The following RSPRY1 variants were observed in gnomAD, a reference collection of about 807,000 sequenced individuals.
The protein encoded by RSPRY1 is RING finger and SPRY domain-containing protein 1.
In RSPRY1, 23 loss-of-function variants were observed where a neutral mutation model predicts 73.1. The observed-to-expected ratio is 0.31, with a 90% CI of 0.23 to 0.45. The LOEUF (loss-of-function observed/expected upper bound fraction) is 0.45. Ranked by LOEUF, RSPRY1 falls within the 20% of genes least tolerant of loss-of-function variation. The pLI, the probability that RSPRY1 is intolerant of heterozygous loss-of-function variation, is 1.00. For synonymous variants in RSPRY1, 226 were observed against 251.4 expected, an observed-to-expected ratio of 0.90 and a Z score of 0.95; for missense variants, 448 against 698.7, an observed-to-expected ratio of 0.64 and a Z score of 4.05.
chr16:57,193,221 C>T (rs1341124838), intron 1 of RSPRY1, among the ~76,000 whole-genome samples: 3 of 152,178 alleles, frequency 2.0e-5, no homozygotes, highest in African/African-American at 7.2e-5. Context: ...AAAAACGCCT[C>T]ATCAAGACAA....
Position 57,232,918 on chromosome 16 carries a change from T to A in RSPRY1, c.1529+1599T>A, listed in dbSNP as rs145048353. 2.6e-3 allele frequency among the ~76,000 whole-genome samples: 400 copies of A among 152,340 alleles called. 2 individuals carry two copies. Among genetic ancestry groups the A allele is most frequent in the African/African-American group, 8.9e-3 (371 of 41,574 alleles). ...CAAGAAGATATAGTTGTCAGGAGCC[T>A]AACTGAGTGGCCACCTTAGTGCCAA... On this transcript the variant is annotated intron_variant, in intron 13 of 14. Transcript: ENST00000394420.
intron 1 of RSPRY1, among the ~76,000 whole-genome samples, chr16:57,192,564 A>C (rs6499869): frequency 0.96 from 145,406 of 152,198 alleles, 69,491 homozygotes; most frequent in Middle Eastern, 0.99. Flanking sequence ...TTAGTAAATT[A>C]TTTGAATGCT....
intron 10 of RSPRY1, among the ~76,000 whole-genome samples, chr16:57,224,240 G>T (rs766426622): frequency 6.6e-6 from 1 of 152,180 alleles, no homozygotes; most frequent in Non-Finnish European, 1.5e-5. Context: ...CCTCTGTTTG[G>T]GGTCACTTGC....
intron 12 of RSPRY1, 93 bp downstream of exon 12, chr16:57,230,906 A>G: frequency 6.5e-6 from 5 of 774,166 alleles, no homozygotes; most frequent in Non-Finnish European, 4.3e-6. Context: ...TATATATGCA[A>G]TTGTGATGAG....
chr16:57,221,566 T>C (rs1253706204), intron 10 of RSPRY1, 151 bp downstream of exon 10: 2 of 725,172 alleles, frequency 2.8e-6, no homozygotes, highest in Non-Finnish European at 4.3e-6. Context: ...CTAACAATGA[T>C]CTACTAAACT....
At chr16:57,195,429 C>T (rs2074422978) in intron 1 of RSPRY1, among the ~76,000 whole-genome samples, 2 of 152,042 alleles carry the variant, frequency 1.3e-5, no homozygotes, top group South Asian at 4.1e-4. Context: ...GGAGAATCGC[C>T]TGAACCGGGG....
chr16:57,231,922 A>G (rs2075227899), intron 13 of RSPRY1, among the ~76,000 whole-genome samples: 1 of 152,232 alleles, frequency 6.6e-6, no homozygotes. Flanking sequence ...TATCAGATGA[A>G]TGCCTGCTTT....
intron 10 of RSPRY1, among the ~76,000 whole-genome samples, chr16:57,225,218 A>T (rs183796137): frequency 7.1e-4 from 108 of 152,226 alleles, no homozygotes; most frequent in Non-Finnish European, 9.6e-4. Context: ...GCGCCACCAC[A>T]CCTGGATAAT....
intron 1 of RSPRY1, among the ~76,000 whole-genome samples, chr16:57,195,426 C>T (rs1280865526): frequency 6.6e-6 from 1 of 152,098 alleles, no homozygotes; most frequent in East Asian, 1.9e-4. Flanking sequence ...GCAGGAGAAT[C>T]GCCTGAACCG....
At chr16:57,208,013 A>G in intron 2 of RSPRY1, 45 bp from the exon 3 acceptor site, 1 of 1,207,480 alleles carries the variant, frequency 8.3e-7, no homozygotes, top group Non-Finnish European at 1.2e-6. Flanking sequence ...TGGAATTGTC[A>G]TTTATTATTT....
At position 57,208,101 on chromosome 16, in the gene RSPRY1, G is replaced by T. The variant is rs1303589118; in HGVS notation, c.394G>T (p.Ala132Ser). ...TTCAATGATAACATTACACGAAATG[G>T]CAGAAACAGGTATTTTTAGTTTTGT... is the stretch of plus-strand genomic sequence containing the variant. Reference protein sequence around the residue: ...PYSMITLHEMAETDEGWLDVV... With the variant: ...PYSMITLHEMSETDEGWLDVV... The change falls in exon 3 of 15, where the codon GCA becomes TCA. Residue 132 changes from alanine to serine, a missense_variant. Coordinates refer to ENST00000394420, the MANE Select transcript of RSPRY1 (RefSeq NM_133368.3). The T allele has an allele frequency of 6.3e-7, 1 of 1,582,198 alleles. No individual in the cohort carries two copies. Among genetic ancestry groups the T allele is most frequent in the Admixed American group, 1.8e-5 (1 of 56,386 alleles).
intron 1 of RSPRY1, among the ~76,000 whole-genome samples, chr16:57,187,690 A>G (rs1260152064): frequency 1.3e-5 from 2 of 152,224 alleles, no homozygotes; most frequent in Non-Finnish European, 2.9e-5. Context: ...AAGGGGTGGG[A>G]TTAATACAGT....
chr16:57,186,626 GTC>G (rs1223004861), intron 1 of RSPRY1, 175 bp downstream of exon 1: 2 of 152,650 alleles, frequency 1.3e-5, no homozygotes, highest in Admixed American at 6.5e-5. Context: ...GGTGGCGTTG[GTC>G]AGAACCTGAG....
In RSPRY1 at chr16:57,187,520, ACCT is replaced by A. The variant is rs199819083; in HGVS notation, c.-156+1073_-156+1075del. 7.1e-3 allele frequency among the ~76,000 whole-genome samples: 1,087 copies of A among 152,200 alleles called. 11 individuals carry two copies. The highest frequency in any genetic ancestry group is 0.025 in the African/African-American group (1,047 of 41,516). ...TGTTCTTGCTTAGTGGAGTGACTTA[ACCT>A]CCTTAAGTCTCTACTGTAAAATAAC... On this transcript the variant is annotated intron_variant, in intron 1 of 14. Coordinates refer to ENST00000394420, the MANE Select transcript of RSPRY1 (RefSeq NM_133368.3).
intron 4 of RSPRY1, among the ~76,000 whole-genome samples, chr16:57,210,584 G>A (rs2074822785): frequency 6.6e-6 from 1 of 152,004 alleles, no homozygotes; most frequent in Non-Finnish European, 1.5e-5. Flanking sequence ...AGTGGTGGCA[G>A]GCACCTGTAA....
intron 6 of RSPRY1, among the ~76,000 whole-genome samples, chr16:57,215,254 G>C (rs1426633864): frequency 6.6e-6 from 1 of 152,218 alleles, no homozygotes; most frequent in Non-Finnish European, 1.5e-5. Flanking sequence ...ACAGTGTTCA[G>C]AGATAGGACA....
rs777147113 is a variant in RSPRY1, at chr16:57,216,172, A to G, written c.768A>G (p.Thr256=). 6.2e-7 allele frequency: 1 copy of G among 1,608,424 alleles called. No homozygotes were observed. Among genetic ancestry groups the G allele is most frequent in the Non-Finnish European group, 8.5e-7 (1 of 1,175,138 alleles). ...ALIALEKFAQ[T]SENKLTISES... ...TCGCACTGGAAAAGTTTGCACAGAC[A>G]AGTAGGTATAGTGACTTCTTGCACT... Residue 256 remains threonine (T), a splice_region_variant and synonymous_variant, in exon 7 of 15, where the codon ACA becomes ACG. Coordinates refer to ENST00000394420, the MANE Select transcript of RSPRY1 (RefSeq NM_133368.3).
chr16:57,221,501 CA>C (rs1431028190), intron 10 of RSPRY1, 86 bp downstream of exon 10: 14 of 1,373,910 alleles, frequency 1.0e-5, no homozygotes, highest in Non-Finnish European at 1.3e-5. Flanking sequence ...ACTTATTTTT[CA>C]AATAGATTTG....
Position 57,213,041 on chromosome 16 carries a change from C to G in RSPRY1, c.586C>G (p.Pro196Ala). 1 of 1,614,116 alleles carries G rather than the reference C, an allele frequency of 6.2e-7. No individual in the cohort carries two copies. The highest frequency in any genetic ancestry group is 8.5e-7 in the Non-Finnish European group (1 of 1,180,002). ...GEVACQDSSHPAKHRNTSAVL... is the reference protein window; with the variant it reads ...GEVACQDSSHAAKHRNTSAVL... ...AGTAGCTTGCCAGGACTCAAGCCAT[C>G]CTGCCAAACACAGGAACACATCTGC... is the stretch of plus-strand genomic sequence containing the variant. The change falls in exon 5 of 15, where the codon CCT (proline) becomes GCT (alanine). Residue 196 changes from proline to alanine, a missense_variant. Physicochemically the swap from Pro to Ala is conservative, Grantham distance 27 (BLOSUM62 -1). Coordinates refer to ENST00000394420, the MANE Select transcript of RSPRY1 (RefSeq NM_133368.3).
Sources: allele counts gnomAD v4.1 joint callset (sites outside exome capture counted in the v4.1 genomes callset), GRCh38; gene constraint gnomAD v4.1.1; transcripts MANE v1.5; gene names NCBI Gene and HGNC (gene_info 2026-07-23, HGNC 2026-07-21).